OTOGL: variants seen among roughly 807,000 people sequenced by gnomAD.
The protein encoded by OTOGL is otogelin like.
In OTOGL, 285 loss-of-function variants were observed where a neutral mutation model predicts 318.5. The observed-to-expected ratio is 0.89, with a 90% CI of 0.81 to 0.99. The LOEUF is 0.99. OTOGL is among the 50% of genes least tolerant of loss of function. The pLI is 0.00. For synonymous variants in OTOGL, 987 were observed against 936.5 expected (o/e 1.05, Z -0.99); for missense variants, 2,899 against 2,845.6 (o/e 1.02, Z -0.43).
chr12:80,115,225 G>A lies in OTOGL; in HGVS notation c.-20+15620G>A, dbSNP rs1018556459. ...TTTGCCCTGGTTTTTCCTCATCTTC[G>A]TGGTTTTATCTACCTTTGGTCTTTG... is the stretch of plus-strand genomic sequence containing the variant. On this transcript the variant is annotated intron_variant, in intron 1 of 58. Coordinates refer to ENST00000547103, the MANE Select transcript of OTOGL (RefSeq NM_001378609.3). 1.3e-4 allele frequency among the ~76,000 whole-genome samples: 19 copies of A among 151,964 alleles called. No individual in the cohort carries two copies. In the East Asian group the frequency reaches 2.3e-3, roughly 19 times the overall value.
At chr12:80,262,239 T>G (rs1374007868) in intron 19 of OTOGL, 146 bp downstream of exon 19, 8 of 879,032 alleles carry the variant, frequency 9.1e-6, no homozygotes, top group African/African-American at 5.2e-5. Context: ...ATTTTTTTTT[T>G]GCTTAATATT....
In OTOGL at chr12:80,151,673, CCTTGTGG is replaced by C. The variant is rs1212923187; in HGVS notation, c.-20+52074_-20+52080del. Among the ~76,000 whole-genome samples, 4 of 152,178 alleles carry C rather than the reference CCTTGTGG, an allele frequency of 2.6e-5. No individual in the cohort carries two copies. In the East Asian group the frequency reaches 5.8e-4, roughly 22 times the overall value. On this transcript the variant is annotated intron_variant, in intron 1 of 58. Coordinates refer to ENST00000547103, the MANE Select transcript of OTOGL (RefSeq NM_001378609.3). ...ATTAGCTGTCTCCTTTAGATAGACA[CCTTGTGG>C]CTTGTAAATACTCTAGAACAGAGGG...
chr12:80,212,846 C>T (rs1877372237), intron 4 of OTOGL, among the ~76,000 whole-genome samples: 1 of 152,130 alleles, frequency 6.6e-6, no homozygotes. Flanking sequence ...GAAGACAGAT[C>T]TGATATGCTG....
At chr12:80,364,164 T>C (rs886290888) in intron 52 of OTOGL, among the ~76,000 whole-genome samples, 3 of 152,186 alleles carry the variant, frequency 2.0e-5, no homozygotes, top group Non-Finnish European at 2.9e-5. Flanking sequence ...TTAATATCCT[T>C]GAACATCTTA....
At chr12:80,350,293 T>G (rs902216068) in intron 44 of OTOGL, among the ~76,000 whole-genome samples, 3 of 152,326 alleles carry the variant, frequency 2.0e-5, no homozygotes, top group Admixed American at 6.5e-5. Context: ...ATTTTCTTTC[T>G]TCATTCATTC....
rs1423728178 is a variant in OTOGL, at chr12:80,134,342, A to G, written c.-20+34737A>G. ...AAGGGCACTTCTTTAGGGACCTGCT[A>G]TCATTCTCCCAACTGATGAGGCTTT... is the stretch of plus-strand genomic sequence containing the variant. On this transcript the variant is annotated intron_variant, in intron 1 of 58. Transcript: ENST00000547103. 1.1e-4 allele frequency among the ~76,000 whole-genome samples: 17 copies of G among 152,210 alleles called. No individual in the cohort carries two copies. In the South Asian group the frequency reaches 2.1e-3, roughly 19 times the overall value.
Position 80,353,314 on chromosome 12 carries a change from A to C in OTOGL, c.5408-11A>C, listed in dbSNP as rs1365381242. On this transcript the variant is annotated splice_polypyrimidine_tract_variant and intron_variant, in intron 45 of 58. Coordinates refer to ENST00000547103, the MANE Select transcript of OTOGL (RefSeq NM_001378609.3). Reference sequence around the variant, plus strand: ...TTATCATTAGCAAATTTTGTCTCCTATTCTTCAAAGCCCTGAGTTGCCCAG... The same window carrying C: ...TTATCATTAGCAAATTTTGTCTCCTCTTCTTCAAAGCCCTGAGTTGCCCAG... The C allele has an allele frequency of 2.1e-6, 3 of 1,414,428 alleles. No homozygotes were observed. Among genetic ancestry groups the C allele is most frequent in the East Asian group, 2.6e-5 (1 of 39,212 alleles). 87.6% of individuals were successfully genotyped at this position (1,414,428 alleles called of 1,614,324 possible).
At chr12:80,376,157 A>C (rs537644941) in intron 57 of OTOGL, among the ~76,000 whole-genome samples, 16 of 152,252 alleles carry the variant, frequency 1.1e-4, no homozygotes, top group African/African-American at 3.9e-4. Flanking sequence ...GAAATTTAGC[A>C]ATTTGGAGGT....
Position 80,323,845 on chromosome 12 carries a change from G to C in OTOGL, c.4199+5G>C. On this transcript the variant is annotated splice_donor_5th_base_variant and intron_variant, in intron 35 of 58. Transcript: ENST00000547103. ...AGCATGTAAATTTCTTCCACCGTAA[G>C]TAACGTTTACCAATAAGTGATCAAA... 6.3e-7 allele frequency: 1 copy of C among 1,594,898 alleles called. No individual in the cohort carries two copies. Among genetic ancestry groups the C allele is most frequent in the Non-Finnish European group, 8.6e-7 (1 of 1,162,796 alleles).
intron 48 of OTOGL, 133 bp from the exon 49 acceptor site, chr12:80,356,674 A>G: frequency 1.7e-6 from 1 of 596,580 alleles, no homozygotes; most frequent in Non-Finnish European, 2.7e-6. Flanking sequence ...TATATCTTTC[A>G]TATATATGTA....
chr12:80,355,789 G>A lies in OTOGL; in HGVS notation c.5647G>A (p.Gly1883Ser), dbSNP rs373400195. Reference sequence around the variant, plus strand: ...CACTGCTGGGGAGATTTGGAATGGGGGCATTGATGAATGCACTCTATACAA... The same window carrying A: ...CACTGCTGGGGAGATTTGGAATGGGAGCATTGATGAATGCACTCTATACAA... The part of the protein sequence containing the change: ...PRTAGEIWNG[G>S]IDECTLYKCL... The change falls in exon 47 of 59, where the codon GGC becomes AGC. Residue 1883 changes from glycine (G) to serine (S), a missense_variant. Around this residue, in one of 3 missense-constraint regions of OTOGL, gnomAD observed 2,607 missense variants for 2,524.9 expected, o/e 1.03. Transcript: ENST00000547103. 44 of 1,613,612 alleles carry A rather than the reference G, an allele frequency of 2.7e-5. No homozygotes were observed. The highest frequency in any genetic ancestry group is 3.6e-5 in the Non-Finnish European group (43 of 1,179,794).
intron 1 of OTOGL, among the ~76,000 whole-genome samples, chr12:80,115,722 G>A (rs1225777938): frequency 1.3e-5 from 2 of 152,206 alleles, no homozygotes; most frequent in East Asian, 3.9e-4. Context: ...TGGGGCTGCT[G>A]CCTTTCTTTT....
chr12:80,326,823 T>C (rs1205540344), intron 35 of OTOGL, among the ~76,000 whole-genome samples: 1 of 152,188 alleles, frequency 6.6e-6, no homozygotes, highest in East Asian at 1.9e-4. Flanking sequence ...AAGACAGAAG[T>C]TAACTTTTCT....
chr12:80,172,743 C>T (rs376498763), intron 1 of OTOGL, among the ~76,000 whole-genome samples: 35 of 152,228 alleles, frequency 2.3e-4, no homozygotes, highest in African/African-American at 7.7e-4. Context: ...GGCACGATCT[C>T]GGCTCACCGC....
At chr12:80,282,187 A>G in intron 26 of OTOGL, among the ~76,000 whole-genome samples, 1 of 151,892 alleles carries the variant, frequency 6.6e-6, no homozygotes, top group African/African-American at 2.4e-5. Context: ...TAAACAAAAT[A>G]ACATCTTTTC....
intron 17 of OTOGL, 45 bp from the exon 18 acceptor site, chr12:80,257,780 G>A (rs374886838): frequency 3.4e-5 from 49 of 1,430,690 alleles, no homozygotes; most frequent in African/African-American, 4.3e-5. Context: ...TCAGAACACC[G>A]TCTATGAATG....
intron 1 of OTOGL, among the ~76,000 whole-genome samples, chr12:80,160,225 C>T (rs1271198395): frequency 6.6e-6 from 1 of 151,888 alleles, no homozygotes; most frequent in African/African-American, 2.4e-5. Flanking sequence ...GCAAATGCAA[C>T]AAAAGTAAAT....
chr12:80,340,586 C>T (rs773756496), intron 43 of OTOGL, among the ~76,000 whole-genome samples: 2 of 152,112 alleles, frequency 1.3e-5, no homozygotes, highest in Admixed American at 6.5e-5. Context: ...CTTAACTAAG[C>T]GCTGCAGAGA....
At chr12:80,173,244 A>G (rs1306383170) in intron 1 of OTOGL, among the ~76,000 whole-genome samples, 1 of 152,050 alleles carries the variant, frequency 6.6e-6, no homozygotes, top group Non-Finnish European at 1.5e-5. Context: ...TACTCCACAG[A>G]CGGAGCAGTG....
Sources: allele counts gnomAD v4.1 joint callset (sites outside exome capture counted in the v4.1 genomes callset), GRCh38; gene constraint gnomAD v4.1.1; regional missense constraint gnomAD v4.1.1; transcripts MANE v1.5; gene names NCBI Gene and HGNC (gene_info 2026-07-23, HGNC 2026-07-21).